Variants in ZNF143 observed in about 807,000 individuals in gnomAD.
ZNF143 encodes SPH-binding factor.
A neutral mutation model predicts 74.1 loss-of-function variants in ZNF143; 49 were observed. That is an observed-to-expected ratio of 0.66 (90% CI 0.53 to 0.84). ZNF143 has a LOEUF of 0.84. Among genes scored for constraint, ZNF143 ranks in the 40% least tolerant of loss-of-function variants. ZNF143 has a pLI of 0.00. For missense variants in ZNF143, 637 were observed against 793.4 expected, an observed-to-expected ratio of 0.80 and a Z score of 2.37; for synonymous variants, 304 against 282.8, an observed-to-expected ratio of 1.07 and a Z score of -0.75.
Position 9,525,491 on chromosome 11 carries a change from G to A in ZNF143, c.1833+105G>A, listed in dbSNP as rs772319529. Reference sequence around the variant, plus strand: ...TAACCTTTACAGGAGGCAAGGTGTAGAATAATCTCTATCACCTAGCCTACT... The same window carrying A: ...TAACCTTTACAGGAGGCAAGGTGTAAAATAATCTCTATCACCTAGCCTACT... On this transcript the variant is annotated intron_variant, in intron 15 of 15. Transcript: ENST00000396602. The A allele has an allele frequency of 5.6e-6, 8 of 1,438,338 alleles. No individual in the cohort carries two copies. In the South Asian group the frequency reaches 7.0e-5, roughly 13 times the overall value. The allele number at this position is 1,438,338 out of a possible 1,614,324, so 89.1% of individuals were successfully genotyped here.
intron 14 of ZNF143, among the ~76,000 whole-genome samples, chr11:9,523,323 GTC>G (rs933547155): frequency 2.6e-5 from 4 of 152,100 alleles, no homozygotes; most frequent in Admixed American, 2.0e-4. Context: ...TTCAAATTCC[GTC>G]TCTCTTTGGT....
At chr11:9,519,198 T>C (rs1462137819) in intron 14 of ZNF143, among the ~76,000 whole-genome samples, 1 of 147,754 alleles carries the variant, frequency 6.8e-6, no homozygotes, top group Non-Finnish European at 1.5e-5. Context: ...ACTGTTGTGA[T>C]TGAATTAGTT....
intron 13 of ZNF143, among the ~76,000 whole-genome samples, chr11:9,515,711 G>T (rs1308203741): frequency 6.6e-6 from 1 of 151,352 alleles, no homozygotes; most frequent in Admixed American, 6.6e-5. Flanking sequence ...CGGGCACAGT[G>T]GCTCACACCT....
At chr11:9,473,391 CA>C (rs56303913) in intron 3 of ZNF143, among the ~76,000 whole-genome samples, 155 of 127,518 alleles carry the variant, frequency 1.2e-3, no homozygotes, top group East Asian at 1.8e-3. Context: ...AACTCTGTCT[CA>C]AAAAAAAAAA....
chr11:9,484,548 C>T (rs1383969513), intron 7 of ZNF143, among the ~76,000 whole-genome samples: 1 of 149,752 alleles, frequency 6.7e-6, no homozygotes, highest in Non-Finnish European at 1.5e-5. Context: ...TTTTTTTCTA[C>T]CTCTAAAAGA....
chr11:9,502,241 CTTTTT>C (rs1183629630), intron 11 of ZNF143, among the ~76,000 whole-genome samples: 10 of 56,996 alleles, frequency 1.8e-4, no homozygotes, highest in Admixed American at 5.9e-4. Flanking sequence ...TGGCCATATT[CTTTTT>C]TTTTTTTTTT....
intron 11 of ZNF143, among the ~76,000 whole-genome samples, chr11:9,504,090 A>C (rs1299206372): frequency 6.8e-6 from 1 of 147,130 alleles, no homozygotes; most frequent in Non-Finnish European, 1.5e-5. Flanking sequence ...CCCCACAAGT[A>C]GCTGGGATTA....
Position 9,496,330 on chromosome 11 carries a change from C to T in ZNF143, c.793C>T (p.Arg265Trp), listed in dbSNP as rs774840355. Residue 265 changes from arginine (R) to tryptophan (W), a missense_variant, in exon 9 of 16, where the codon CGG (arginine) becomes TGG (tryptophan). Around this residue, in one of 2 missense-constraint regions of ZNF143, gnomAD observed 344 missense variants for 485.6 expected, o/e 0.71. Coordinates refer to ENST00000396602, the MANE Select transcript of ZNF143 (RefSeq NM_003442.6). ...KVHERSHTGD[R>W]PYQCEHAGCG... is the part of the protein sequence containing the mutation. ...CCATGAGAGGTCACACACAGGAGAT[C>T]GGCCTTATCAGTGTGAGCATGCAGG... is the stretch of plus-strand genomic sequence containing the variant. 5 of 1,614,124 alleles carry T rather than the reference C, an allele frequency of 3.1e-6. No individual in the cohort carries two copies. The highest frequency in any genetic ancestry group is 2.5e-6 in the Non-Finnish European group (3 of 1,180,034).
chr11:9,483,181 A>G (rs1368525594), intron 7 of ZNF143, among the ~76,000 whole-genome samples: 1 of 146,204 alleles, frequency 6.8e-6, no homozygotes, highest in Non-Finnish European at 1.5e-5. Flanking sequence ...TTTAGTAGAG[A>G]TGAGGTTTCG....
intron 14 of ZNF143, among the ~76,000 whole-genome samples, chr11:9,521,191 A>AC (rs1848913033): frequency 6.6e-6 from 1 of 152,192 alleles, no homozygotes; most frequent in Non-Finnish European, 1.5e-5. Flanking sequence ...ATTCACTGTT[A>AC]GTGTTGTACA....
intron 4 of ZNF143, 95 bp from the exon 5 acceptor site, chr11:9,474,455 A>T (rs1856764522): frequency 1.1e-5 from 13 of 1,220,514 alleles, no homozygotes; most frequent in Admixed American, 5.4e-5. Context: ...ATAGATTGTT[A>T]TAATGTGTTA....
At chr11:9,501,038 T>C in intron 10 of ZNF143, 53 bp from the exon 11 acceptor site, 1 of 1,595,548 alleles carries the variant, frequency 6.3e-7, no homozygotes, top group Non-Finnish European at 8.6e-7. Context: ...TAAGACATTT[T>C]AATCCTCTAT....
chr11:9,512,671 T>C (rs1391612826), intron 13 of ZNF143, 75 bp downstream of exon 13: 18 of 1,581,696 alleles, frequency 1.1e-5, no homozygotes, highest in East Asian at 2.3e-5. Flanking sequence ...TGGGTCCCCA[T>C]TGAGGAAAGC....
At chr11:9,480,930 C>T (rs1029449146) in intron 7 of ZNF143, among the ~76,000 whole-genome samples, 2 of 151,716 alleles carry the variant, frequency 1.3e-5, no homozygotes, top group African/African-American at 4.8e-5. Flanking sequence ...TATGCTTCTA[C>T]GCGTTGCTGA....
intron 3 of ZNF143, 145 bp downstream of exon 3, chr11:9,472,914 CTTTTTTTTT>C: frequency 3.1e-6 from 1 of 323,038 alleles, no homozygotes; most frequent in Non-Finnish European, 5.4e-6. Flanking sequence ...CAGTTTAATT[CTTTTTTTTT>C]TTTTTTTTAT....
intron 7 of ZNF143, among the ~76,000 whole-genome samples, chr11:9,485,438 C>T (rs1479644036): frequency 6.8e-6 from 1 of 148,012 alleles, no homozygotes; most frequent in African/African-American, 2.5e-5. Context: ...ACCTCTGCCT[C>T]CCAGATTCAA....
At chr11:9,464,074 G>A (rs888653463) in intron 1 of ZNF143, among the ~76,000 whole-genome samples, 3 of 127,616 alleles carry the variant, frequency 2.4e-5, no homozygotes, top group Admixed American at 8.2e-5. Context: ...TAGGGATGTC[G>A]TGTGTGTGTG....
chr11:9,486,417 A>AT (rs1847526286), intron 7 of ZNF143, among the ~76,000 whole-genome samples: 4 of 38,676 alleles, frequency 1.0e-4, no homozygotes, highest in African/African-American at 1.9e-4. Flanking sequence ...TATATAATAT[A>AT]TATTATATAT....
In ZNF143 at chr11:9,501,122, C is replaced by G; in HGVS notation, c.999C>G (p.Gly333=). Residue 333 remains glycine, a synonymous_variant, in exon 11 of 16, where the codon GGC becomes GGG. Coordinates refer to ENST00000396602, the MANE Select transcript of ZNF143 (RefSeq NM_003442.6). The stretch of plus-strand genomic sequence containing the variant: ...GGCCCTTTAAGTGTCCCTTCGAAGG[C>G]TGCGGTCGGTCCTTTACAACATCAA... The part of the protein sequence containing the change: ...GERPFKCPFE[G]CGRSFTTSNI... The G allele has an allele frequency of 6.2e-7, 1 of 1,614,148 alleles. No homozygotes were observed. The highest frequency in any genetic ancestry group is 8.5e-7 in the Non-Finnish European group (1 of 1,180,026).
Sources: gnomAD v4.1 joint callset for allele counts (sites outside exome capture counted in the v4.1 genomes callset) on GRCh38, gnomAD v4.1.1 for gene constraint, gnomAD v4.1.1 regional missense constraint, MANE v1.5 for transcripts, NCBI Gene and HGNC (gene_info 2026-07-23, HGNC 2026-07-21) for gene names.